The following RIT2 variants were observed in gnomAD, a reference collection of about 807,000 sequenced individuals.
RIT2 encodes the protein Ras like without CAAX 2.
RIT2 carries 24 observed loss-of-function variants against 23.7 expected under a neutral mutation model. That is an observed-to-expected ratio of 1.01 (90% CI 0.73 to 1.43). The LOEUF (loss-of-function observed/expected upper bound fraction) is 1.43. Among genes scored for constraint, RIT2 ranks in the 40% most tolerant of loss-of-function variants. The pLI is 0.00. For missense variants in RIT2, 236 were observed against 266.9 expected (o/e 0.88, Z 0.81); for synonymous variants, 107 against 91.1 (o/e 1.17, Z -0.99).
intron 3 of RIT2, among the ~76,000 whole-genome samples, chr18:42,956,799 G>T (rs1003679983): frequency 6.6e-6 from 1 of 152,098 alleles, no homozygotes; most frequent in African/African-American, 2.4e-5. Flanking sequence ...GGCAGTGTGA[G>T]GCAGAGGTGA....
At chr18:42,751,523 T>G (rs910455519) in intron 4 of RIT2, among the ~76,000 whole-genome samples, 1 of 151,932 alleles carries the variant, frequency 6.6e-6, no homozygotes. Flanking sequence ...ACAAATCCCA[T>G]GCAAATATTC....
intron 3 of RIT2, among the ~76,000 whole-genome samples, chr18:42,929,131 T>G (rs921545359): frequency 8.1e-5 from 12 of 148,800 alleles, no homozygotes; most frequent in Admixed American, 6.8e-4. Flanking sequence ...ATTTACAATT[T>G]GACTCTGAAC....
At chr18:42,979,596 T>C (rs1369610236) in intron 2 of RIT2, among the ~76,000 whole-genome samples, 1 of 152,194 alleles carries the variant, frequency 6.6e-6, no homozygotes, top group African/African-American at 2.4e-5. Context: ...TACATATGTG[T>C]GTCTGTGTGT....
intron 1 of RIT2, among the ~76,000 whole-genome samples, chr18:43,094,020 T>C (rs1468528023): frequency 4.0e-5 from 6 of 151,682 alleles, no homozygotes; most frequent in South Asian, 2.1e-4. Context: ...CACCAAAAAT[T>C]CAATAATCTA....
In RIT2 at chr18:42,807,805, G is replaced by T. The variant is rs1905727059; in HGVS notation, c.427-64085C>A. Among the ~76,000 whole-genome samples, 3 of 151,920 alleles carry T rather than the reference G, an allele frequency of 2.0e-5. No individual in the cohort carries two copies. In the South Asian group the frequency reaches 6.2e-4, roughly 32 times the overall value. ...ACACAAAGTGAATGTGTGTGTGTGT[G>T]TGTGTGTGTGTGTGTGTGTGTAATC... On this transcript the variant is annotated intron_variant, in intron 4 of 4. Coordinates refer to ENST00000326695, the MANE Select transcript of RIT2 (RefSeq NM_002930.4).
chr18:43,102,056 T>C (rs898677879), intron 1 of RIT2, among the ~76,000 whole-genome samples: 3 of 152,252 alleles, frequency 2.0e-5, no homozygotes, highest in African/African-American at 7.2e-5. Context: ...GAAATAAGTT[T>C]TGCCTTCTTG....
intron 4 of RIT2, among the ~76,000 whole-genome samples, chr18:42,873,061 G>T (rs1907659913): frequency 6.6e-6 from 1 of 152,092 alleles, no homozygotes; most frequent in Admixed American, 6.6e-5. Context: ...CGCTGCTTGG[G>T]CTTAGCTGTC....
intron 4 of RIT2, among the ~76,000 whole-genome samples, chr18:42,898,301 T>C (rs1202648550): frequency 6.6e-6 from 1 of 151,908 alleles, no homozygotes; most frequent in Non-Finnish European, 1.5e-5. Context: ...AGCTGAGTCA[T>C]GAGAATTGCT....
intron 4 of RIT2, among the ~76,000 whole-genome samples, chr18:42,833,826 C>CA (rs1906525845): frequency 6.7e-6 from 1 of 148,972 alleles, no homozygotes. Flanking sequence ...GGAAGAAAAA[C>CA]AAAGAAAAAT....
chr18:43,038,159 T>G (rs1912026391), intron 1 of RIT2, among the ~76,000 whole-genome samples: 1 of 142,162 alleles, frequency 7.0e-6, no homozygotes, highest in South Asian at 2.3e-4. Context: ...GAGAAGAGAT[T>G]GCGCCACTGC....
At chr18:42,863,102 T>A (rs1168632043) in intron 4 of RIT2, among the ~76,000 whole-genome samples, 2 of 151,900 alleles carry the variant, frequency 1.3e-5, no homozygotes, top group African/African-American at 4.8e-5. Context: ...ATCCAATGAA[T>A]AGAGCAGAAG....
intron 1 of RIT2, among the ~76,000 whole-genome samples, chr18:43,062,323 T>G (rs1389726581): frequency 1.3e-5 from 2 of 151,974 alleles, no homozygotes; most frequent in African/African-American, 4.8e-5. Flanking sequence ...AAAAAAGAGG[T>G]AATTCCTTAA....
chr18:42,988,720 A>G (rs1910771619), intron 2 of RIT2, among the ~76,000 whole-genome samples: 1 of 152,220 alleles, frequency 6.6e-6, no homozygotes, highest in African/African-American at 2.4e-5. Flanking sequence ...ATTAGCTGTC[A>G]CAAGAGAAAG....
In RIT2 at chr18:42,903,837, A is replaced by C. The variant is rs181246982; in HGVS notation, c.426+19735T>G. On this transcript the variant is annotated intron_variant, in intron 4 of 4. Transcript: ENST00000326695. Reference sequence around the variant, plus strand: ...ATGGAAGTATAAGCAAATCTTACTAAGGCATCCTAAGTGAAAAAGCAAGCA... The same window carrying C: ...ATGGAAGTATAAGCAAATCTTACTACGGCATCCTAAGTGAAAAAGCAAGCA... Among the ~76,000 whole-genome samples the C allele has an allele frequency of 2.3e-3, 349 of 152,288 alleles. 1 individual carries two copies. In the Middle Eastern group the frequency reaches 0.024, roughly 10 times the overall value.
intron 2 of RIT2, among the ~76,000 whole-genome samples, chr18:43,010,865 G>A (rs1212053074): frequency 6.6e-6 from 1 of 151,660 alleles, no homozygotes; most frequent in Non-Finnish European, 1.5e-5. Context: ...GAGAAACATG[G>A]GATAACAATT....
intron 4 of RIT2, among the ~76,000 whole-genome samples, chr18:42,834,212 G>A (rs569529501): frequency 2.0e-5 from 3 of 152,294 alleles, no homozygotes; most frequent in East Asian, 3.9e-4. Context: ...GCATAGGACT[G>A]ACTGTTTTGT....
intron 4 of RIT2, among the ~76,000 whole-genome samples, chr18:42,819,102 A>C (rs1247188866): frequency 6.6e-6 from 1 of 152,064 alleles, no homozygotes; most frequent in Non-Finnish European, 1.5e-5. Flanking sequence ...TAAGAAACTC[A>C]GCTTGTGAGC....
chr18:42,900,717 G>T (rs952726588), intron 4 of RIT2, among the ~76,000 whole-genome samples: 1 of 152,020 alleles, frequency 6.6e-6, no homozygotes, highest in Non-Finnish European at 1.5e-5. Flanking sequence ...ATATGTGAGG[G>T]ATAACAGAGA....
chr18:42,762,445 C>A (rs1913323669), intron 4 of RIT2, among the ~76,000 whole-genome samples: 1 of 152,136 alleles, frequency 6.6e-6, no homozygotes, highest in Non-Finnish European at 1.5e-5. Context: ...CCAACAACAA[C>A]AATGAAATTT....
Sources: gnomAD v4.1 joint callset for allele counts (sites outside exome capture counted in the v4.1 genomes callset) on GRCh38, gnomAD v4.1.1 for gene constraint, MANE v1.5 for transcripts, NCBI Gene and HGNC (gene_info 2026-07-23, HGNC 2026-07-21) for gene names.